SEC14L1: variants seen among roughly 807,000 people sequenced by gnomAD.
SEC14L1 encodes the protein SEC14 like lipid binding 1.
Under a neutral mutation model 85.3 loss-of-function variants are expected in SEC14L1, and 48 were observed. The observed-to-expected ratio is 0.56, with a 90% CI of 0.45 to 0.72. The LOEUF (loss-of-function observed/expected upper bound fraction) is 0.72. Ranked by LOEUF, SEC14L1 falls within the 30% of genes least tolerant of loss-of-function variation. The pLI, the probability that SEC14L1 is intolerant of heterozygous loss-of-function variation, is 0.00. For synonymous variants in SEC14L1, 391 were observed against 355.5 expected, an observed-to-expected ratio of 1.10 and a Z score of -1.12; for missense variants, 682 against 921.4, an observed-to-expected ratio of 0.74 and a Z score of 3.36.
intron 6 of SEC14L1, 74 bp from the exon 7 acceptor site, chr17:77,194,603 A>G (rs892616077): frequency 5.6e-6 from 7 of 1,256,860 alleles, no homozygotes; most frequent in Non-Finnish European, 6.8e-6. Flanking sequence ...CTAGAAAAAA[A>G]GAAAAATCTT....
In SEC14L1 at chr17:77,216,394, C is replaced by A; in HGVS notation, c.*2371C>A. ...TAGTAGGTAGGGCTAGTAGGTAGGG[C>A]TAGTAGGTAGGGTTCGTAGGTAGGG... is the stretch of plus-strand genomic sequence containing the variant. On this transcript the variant is annotated 3_prime_UTR_variant, in exon 17 of 17. Transcript: ENST00000436233. The A allele has an allele frequency of 1.1e-6, 1 of 886,414 alleles. No homozygotes were observed. 54.9% of individuals were successfully genotyped at this position (886,414 alleles called of 1,614,324 possible).
At chr17:77,203,427 A>G (rs1056273689) in intron 9 of SEC14L1, 143 bp from the exon 10 acceptor site, 22 of 675,216 alleles carry the variant, frequency 3.3e-5, no homozygotes, top group Non-Finnish European at 4.6e-5. Context: ...CACACAAATC[A>G]GTTGCCACTT....
chr17:77,132,437 C>T (rs1281460817), intron 3 of SEC14L1, among the ~76,000 whole-genome samples: 3 of 152,118 alleles, frequency 2.0e-5, no homozygotes, highest in Non-Finnish European at 4.4e-5. Context: ...TTTGGCCAGG[C>T]TGGTCTCAAA....
At position 77,214,219 on chromosome 17, in the gene SEC14L1, A is replaced by C; in HGVS notation, c.*196A>C. On this transcript the variant is annotated 3_prime_UTR_variant, in exon 17 of 17. Transcript: ENST00000436233. ...TAGTTTTAACTCTGATCCTAACTTA[A>C]CTCAATAGCCATAGATTTTGTATAC... 3 of 1,385,984 alleles carry C rather than the reference A, an allele frequency of 2.2e-6. No individual in the cohort carries two copies. Among genetic ancestry groups the C allele is most frequent in the East Asian group, 2.7e-5 (1 of 37,370 alleles). The allele number at this position is 1,385,984 out of a possible 1,614,324, so 85.9% of individuals were successfully genotyped here.
At chr17:77,142,881 C>T (rs1393799449) in intron 2 of SEC14L1, 131 bp downstream of exon 2, 1 of 152,226 alleles carries the variant, frequency 6.6e-6, no homozygotes, top group Non-Finnish European at 1.5e-5. Context: ...AGGAGGGCTC[C>T]TTGACTGTGA....
chr17:77,202,748 T>A (rs1976218856), intron 9 of SEC14L1, among the ~76,000 whole-genome samples: 1 of 152,072 alleles, frequency 6.6e-6, no homozygotes, highest in East Asian at 1.9e-4. Context: ...GGTGAAACCC[T>A]GTCTCTAGTA....
At chr17:77,201,443 C>T (rs567460184) in intron 9 of SEC14L1, among the ~76,000 whole-genome samples, 1 of 149,416 alleles carries the variant, frequency 6.7e-6, no homozygotes, top group Non-Finnish European at 1.5e-5. Flanking sequence ...AAGACATTGA[C>T]AAATGTGTCT....
chr17:77,127,506 C>A (rs1376450612), intron 3 of SEC14L1, among the ~76,000 whole-genome samples: 2 of 152,104 alleles, frequency 1.3e-5, no homozygotes, highest in Non-Finnish European at 2.9e-5. Context: ...CCCACCACCA[C>A]GCCTGGCTAA....
chr17:77,152,249 G>T (rs1166480620), intron 3 of SEC14L1, among the ~76,000 whole-genome samples: 2 of 151,956 alleles, frequency 1.3e-5, no homozygotes, highest in African/African-American at 4.8e-5. Flanking sequence ...GAAATGGTCA[G>T]TGCTGGCTGG....
intron 1 of SEC14L1, chr17:77,089,112 T>C: frequency 7.0e-6 from 2 of 283,840 alleles, no homozygotes; most frequent in South Asian, 6.2e-5. Context: ...TCGAATGACT[T>C]TTGTCCTTTT....
chr17:77,172,129 C>A (rs1002400344), intron 3 of SEC14L1, among the ~76,000 whole-genome samples: 3 of 151,936 alleles, frequency 2.0e-5, no homozygotes, highest in Non-Finnish European at 4.4e-5. Flanking sequence ...ACAAGTTACA[C>A]CAGGGGGAAG....
At chr17:77,118,177 G>C (rs994816394) in intron 3 of SEC14L1, among the ~76,000 whole-genome samples, 6 of 152,264 alleles carry the variant, frequency 3.9e-5, no homozygotes, top group Admixed American at 3.9e-4. Context: ...GCGGCAGGCC[G>C]CACTGTGGAA....
Position 77,193,489 on chromosome 17 carries a change from T to C in SEC14L1, c.414T>C (p.Phe138=). The part of the protein sequence containing the change: ...QSASLDIKSF[F]GFESTVEKIA... Reference sequence around the variant, plus strand: ...CAAGTTTAGATATTAAATCTTTCTTTGGTTTTGAAAGTACAGTGGAAAAAA... The same window carrying C: ...CAAGTTTAGATATTAAATCTTTCTTCGGTTTTGAAAGTACAGTGGAAAAAA... Residue 138 remains phenylalanine, a synonymous_variant, in exon 6 of 17, where the codon TTT becomes TTC. Coordinates refer to ENST00000436233, the MANE Select transcript of SEC14L1 (RefSeq NM_001143998.2). 1 of 1,613,080 alleles carries C rather than the reference T, an allele frequency of 6.2e-7. No homozygotes were observed. Among genetic ancestry groups the C allele is most frequent in the Non-Finnish European group, 8.5e-7 (1 of 1,179,230 alleles).
At position 77,214,845 on chromosome 17, in the gene SEC14L1, G is replaced by A; in HGVS notation, c.*822G>A. ...GCAGTCAGCTCCCAGCCCAGTGTAG[G>A]CCATCTCCTCTGTGCCCTCTGGTGG... On this transcript the variant is annotated 3_prime_UTR_variant, in exon 17 of 17. Transcript: ENST00000436233. The A allele has an allele frequency of 1.0e-6, 1 of 985,508 alleles. No homozygotes were observed. Among genetic ancestry groups the A allele is most frequent in the Non-Finnish European group, 1.2e-6 (1 of 829,988 alleles). The allele number at this position is 985,508 out of a possible 1,614,324, so 61.0% of individuals were successfully genotyped here.
rs780874685 is a variant in SEC14L1, at chr17:77,213,343, C to G, written c.1893C>G (p.Phe631Leu). The G allele has an allele frequency of 1.9e-6, 3 of 1,612,874 alleles. No individual in the cohort carries two copies. Among genetic ancestry groups the G allele is most frequent in the Non-Finnish European group, 2.5e-6 (3 of 1,179,620 alleles). Reference protein sequence around the residue: ...QGSHVTRWPGFYILQWKFHSM... With the variant: ...QGSHVTRWPGLYILQWKFHSM... ...CCCATGTGACCAGGTGGCCGGGCTT[C>G]TACATCCTGCAGTGGAAATTCCACA... Residue 631 changes from phenylalanine to leucine, a missense_variant, in exon 16 of 17, where the codon TTC becomes TTG. Coordinates refer to ENST00000436233, the MANE Select transcript of SEC14L1 (RefSeq NM_001143998.2). The surrounding 1 kb of genome is among the most constrained non-coding windows in gnomAD (Gnocchi z 7.1).
intron 3 of SEC14L1, among the ~76,000 whole-genome samples, chr17:77,145,425 C>T (rs1328146376): frequency 6.6e-6 from 1 of 152,114 alleles, no homozygotes. Flanking sequence ...TTCTGTGGTG[C>T]GCCTTCCCTT....
At chr17:77,100,270 T>A (rs1971737922) in intron 3 of SEC14L1, among the ~76,000 whole-genome samples, 1 of 152,226 alleles carries the variant, frequency 6.6e-6, no homozygotes, top group South Asian at 2.1e-4. Context: ...AGCACTGTGG[T>A]CATCTGTACA....
At chr17:77,167,202 T>C (rs1415297211) in intron 3 of SEC14L1, among the ~76,000 whole-genome samples, 2 of 151,334 alleles carry the variant, frequency 1.3e-5, no homozygotes, top group Non-Finnish European at 2.9e-5. Flanking sequence ...GTGGTGTGAT[T>C]ACTGCAGTCT....
chr17:77,138,020 C>T (rs927492360), upstream of SEC14L1, among the ~76,000 whole-genome samples: 5 of 151,952 alleles, frequency 3.3e-5, no homozygotes, highest in African/African-American at 7.3e-5. Flanking sequence ...CTTGGTGGGT[C>T]GGGGGAGGCC....
Sources: allele counts gnomAD v4.1 joint callset (sites outside exome capture counted in the v4.1 genomes callset), GRCh38; gene constraint gnomAD v4.1.1; non-coding constraint Gnocchi (gnomAD v3.1); transcripts MANE v1.5; gene names NCBI Gene and HGNC (gene_info 2026-07-23, HGNC 2026-07-21).